The following NXPH1 variants were observed in gnomAD, a reference collection of about 807,000 sequenced individuals.
NXPH1 encodes the protein neurexophilin 1.
Under a neutral mutation model 23.7 loss-of-function variants are expected in NXPH1, and 5 were observed. The observed-to-expected ratio is 0.21, with a 90% CI of 0.11 to 0.44. NXPH1 has a LOEUF of 0.44. Ranked by LOEUF, NXPH1 falls within the 20% of genes least tolerant of loss-of-function variation. The pLI is 0.99. For missense variants in NXPH1, 324 were observed against 321.6 expected, an observed-to-expected ratio of 1.01 and a Z score of -0.06; for synonymous variants, 144 against 122.2, an observed-to-expected ratio of 1.18 and a Z score of -1.18.
At chr7:8,476,286 T>A (rs1816970272) in intron 2 of NXPH1, among the ~76,000 whole-genome samples, 1 of 152,164 alleles carries the variant, frequency 6.6e-6, no homozygotes, top group Non-Finnish European at 1.5e-5. Flanking sequence ...TAGAATGCCC[T>A]GTTCTTTCTC....
intron 2 of NXPH1, among the ~76,000 whole-genome samples, chr7:8,733,516 A>G (rs929171804): frequency 5.3e-5 from 8 of 152,086 alleles, no homozygotes; most frequent in African/African-American, 1.7e-4. Flanking sequence ...AAGCGTTTCT[A>G]TTTCTCCACA....
chr7:8,624,455 G>C (rs1369434278), intron 2 of NXPH1, among the ~76,000 whole-genome samples: 2 of 152,056 alleles, frequency 1.3e-5, no homozygotes, highest in African/African-American at 4.8e-5. Flanking sequence ...TATGAGTAAA[G>C]AAGTGTGCAA....
chr7:8,733,038 A>C (rs1360273738), intron 2 of NXPH1, among the ~76,000 whole-genome samples: 1 of 150,692 alleles, frequency 6.6e-6, no homozygotes, highest in South Asian at 2.1e-4. Flanking sequence ...GCCCCCTACT[A>C]CCTGACAGGC....
At chr7:8,545,897 A>G (rs1399903921) in intron 2 of NXPH1, among the ~76,000 whole-genome samples, 3 of 151,398 alleles carry the variant, frequency 2.0e-5, no homozygotes, top group African/African-American at 4.8e-5. Context: ...GGCAGTCAAT[A>G]TCTGGGCTTA....
chr7:8,721,457 A>G (rs1779968306), intron 2 of NXPH1, among the ~76,000 whole-genome samples: 1 of 152,254 alleles, frequency 6.6e-6, no homozygotes, highest in Non-Finnish European at 1.5e-5. Context: ...CTATTTAAGA[A>G]CCAAGATTAC....
At chr7:8,465,969 A>G (rs892567807) in intron 2 of NXPH1, among the ~76,000 whole-genome samples, 58 of 152,264 alleles carry the variant, frequency 3.8e-4, no homozygotes, top group African/African-American at 1.4e-3. Context: ...GGCAATTTCA[A>G]TGGGTTGTTC....
At chr7:8,628,918 G>A (rs1276226476) in intron 2 of NXPH1, among the ~76,000 whole-genome samples, 3 of 151,226 alleles carry the variant, frequency 2.0e-5, no homozygotes, top group Non-Finnish European at 4.4e-5. Context: ...AAAGCCTCAT[G>A]TATCTCACTA....
At chr7:8,652,532 G>C (rs1264602622) in intron 2 of NXPH1, among the ~76,000 whole-genome samples, 1 of 152,038 alleles carries the variant, frequency 6.6e-6, no homozygotes, top group Non-Finnish European at 1.5e-5. Flanking sequence ...TCAATTACTA[G>C]AAATTCAGGA....
At chr7:8,501,197 CATAAT>C (rs906770630) in intron 2 of NXPH1, among the ~76,000 whole-genome samples, 1 of 151,998 alleles carries the variant, frequency 6.6e-6, no homozygotes, top group African/African-American at 2.4e-5. Flanking sequence ...TTCTAAATTT[CATAAT>C]ATAATGTGGC....
intron 2 of NXPH1, among the ~76,000 whole-genome samples, chr7:8,657,911 C>T (rs1035386817): frequency 7.9e-5 from 12 of 152,120 alleles, no homozygotes; most frequent in African/African-American, 2.7e-4. Flanking sequence ...ACCTGTAATC[C>T]CAGCTACTCG....
chr7:8,617,989 T>C (rs966819787), intron 2 of NXPH1, among the ~76,000 whole-genome samples: 3 of 152,086 alleles, frequency 2.0e-5, no homozygotes, highest in Non-Finnish European at 4.4e-5. Context: ...ACCCAAAATA[T>C]ATACATCTAT....
intron 2 of NXPH1, among the ~76,000 whole-genome samples, chr7:8,730,636 A>G (rs1351670227): frequency 6.6e-6 from 1 of 152,140 alleles, no homozygotes; most frequent in Non-Finnish European, 1.5e-5. Flanking sequence ...CTGGGTTGAC[A>G]ATTCTTTTCT....
At chr7:8,647,253 G>C (rs1820411567) in intron 2 of NXPH1, among the ~76,000 whole-genome samples, 1 of 152,196 alleles carries the variant, frequency 6.6e-6, no homozygotes, top group South Asian at 2.1e-4. Flanking sequence ...TGGCCACCCA[G>C]AGGCTCTCTC....
Position 8,442,720 on chromosome 7 carries a change from T to G in NXPH1, c.54+6953T>G, listed in dbSNP as rs757393075. On this transcript the variant is annotated intron_variant, in intron 2 of 2. Transcript: ENST00000405863. This position sits in a 1 kb window ranked among gnomAD's most constrained non-coding sequence, Gnocchi z 4.6. Reference sequence around the variant, plus strand: ...CGCCACAGCTGCGCGCTTTATTGTCTGCTTTCAGTCGCAGGTGACCTCGAG... The same window carrying G: ...CGCCACAGCTGCGCGCTTTATTGTCGGCTTTCAGTCGCAGGTGACCTCGAG... Among the ~76,000 whole-genome samples, 6 of 152,246 alleles carry G rather than the reference T, an allele frequency of 3.9e-5. No homozygotes were observed. The highest frequency in any genetic ancestry group is 8.8e-5 in the Non-Finnish European group (6 of 68,036).
At chr7:8,580,152 G>A (rs930646599) in intron 2 of NXPH1, among the ~76,000 whole-genome samples, 3 of 152,152 alleles carry the variant, frequency 2.0e-5, no homozygotes, top group Non-Finnish European at 2.9e-5. Context: ...GGATATGGAC[G>A]GGACTTATGA....
chr7:8,442,696 G>A lies in NXPH1; in HGVS notation c.54+6929G>A, dbSNP rs1816323093. On this transcript the variant is annotated intron_variant, in intron 2 of 2. Transcript: ENST00000405863. The surrounding 1 kb of genome is among the most constrained non-coding windows in gnomAD (Gnocchi z 4.6). ...GGGTTTCCCAGCCGTAGTGGCCGCC[G>A]CCACAGCTGCGCGCTTTATTGTCTG... Among the ~76,000 whole-genome samples the A allele has an allele frequency of 6.6e-6, 1 of 152,226 alleles. No individual in the cohort carries two copies. Among genetic ancestry groups the A allele is most frequent in the Admixed American group, 6.5e-5 (1 of 15,286 alleles).
In NXPH1 at chr7:8,435,421, C is replaced by A; in HGVS notation, c.-110-183C>A. 2.0e-6 allele frequency: 1 copy of A among 498,030 alleles called. No individual in the cohort carries two copies. The highest frequency in any genetic ancestry group is 2.3e-5 in the South Asian group (1 of 43,968). The allele number at this position is 498,030 out of a possible 1,614,324, so 30.9% of individuals were successfully genotyped here. On this transcript the variant is annotated intron_variant, in intron 1 of 2. Coordinates refer to ENST00000405863, the MANE Select transcript of NXPH1 (RefSeq NM_152745.3). The surrounding 1 kb of genome is among the most constrained non-coding windows in gnomAD (Gnocchi z 5.9). ...CCTCTCGTCCGCCCGCCCGCCTCCC[C>A]AGCTGCGGACCGCGCGCTTGCTGGT...
intron 2 of NXPH1, among the ~76,000 whole-genome samples, chr7:8,750,705 TTAG>T (rs1443070204): frequency 4.6e-5 from 7 of 152,186 alleles, no homozygotes; most frequent in Non-Finnish European, 7.3e-5. Flanking sequence ...CAGGTCATAT[TTAG>T]TAGTTTTTCC....
At chr7:8,649,770 C>A (rs2115150811) in intron 2 of NXPH1, among the ~76,000 whole-genome samples, 1 of 152,206 alleles carries the variant, frequency 6.6e-6, no homozygotes, top group South Asian at 2.1e-4. Context: ...TTATTATTCT[C>A]TTTTGAGTTT....
Sources: allele counts gnomAD v4.1 joint callset (sites outside exome capture counted in the v4.1 genomes callset), GRCh38; gene constraint gnomAD v4.1.1; non-coding constraint Gnocchi (gnomAD v3.1); transcripts MANE v1.5; gene names NCBI Gene and HGNC (gene_info 2026-07-23, HGNC 2026-07-21).